The following CTNNA3 variants were observed in gnomAD, a reference collection of about 807,000 sequenced individuals.
CTNNA3 encodes catenin alpha 3.
A neutral mutation model predicts 95.7 loss-of-function variants in CTNNA3; 76 were observed. The observed-to-expected ratio is 0.79, with a 90% CI of 0.66 to 0.96. The LOEUF is 0.96. CTNNA3 is among the 40% of genes least tolerant of loss of function. The pLI, the probability that CTNNA3 is intolerant of heterozygous loss-of-function variation, is 0.00. For missense variants in CTNNA3, 1,191 were observed against 1,089.8 expected, an observed-to-expected ratio of 1.09 and a Z score of -1.31; for synonymous variants, 431 against 374.4, an observed-to-expected ratio of 1.15 and a Z score of -1.74.
At chr10:67,599,478 T>C (rs1843016280) in intron 3 of CTNNA3, among the ~76,000 whole-genome samples, 1 of 152,090 alleles carries the variant, frequency 6.6e-6, no homozygotes, top group Non-Finnish European at 1.5e-5. Flanking sequence ...CATAAATAGA[T>C]TTTAAAAGAG....
intron 11 of CTNNA3, among the ~76,000 whole-genome samples, chr10:66,444,541 T>A (rs1223591229): frequency 6.6e-6 from 1 of 151,828 alleles, no homozygotes; most frequent in Non-Finnish European, 1.5e-5. Flanking sequence ...AAGAAAAGAA[T>A]TTTCAACCCA....
chr10:66,877,897 C>T (rs1341850795), intron 7 of CTNNA3, among the ~76,000 whole-genome samples: 1 of 152,088 alleles, frequency 6.6e-6, no homozygotes, highest in Non-Finnish European at 1.5e-5. Flanking sequence ...TTATAATGTT[C>T]AAAACTTAGA....
chr10:66,884,826 GT>G (rs1382607154), intron 7 of CTNNA3, among the ~76,000 whole-genome samples: 1 of 152,122 alleles, frequency 6.6e-6, no homozygotes, highest in Non-Finnish European at 1.5e-5. Flanking sequence ...ATGCATTAGA[GT>G]TTGGGCAATC....
intron 9 of CTNNA3, among the ~76,000 whole-genome samples, chr10:66,710,337 G>A (rs1848250856): frequency 1.3e-5 from 2 of 152,082 alleles, no homozygotes; most frequent in Non-Finnish European, 2.9e-5. Flanking sequence ...TTATAATCAT[G>A]AATGAAATTT....
intron 2 of CTNNA3, among the ~76,000 whole-genome samples, chr10:67,644,361 G>T (rs757624642): frequency 6.6e-6 from 1 of 151,778 alleles, no homozygotes; most frequent in Non-Finnish European, 1.5e-5. Context: ...CCTATCCTTC[G>T]TCCGCTTTTT....
At chr10:66,257,610 T>C (rs1231980184) in intron 13 of CTNNA3, among the ~76,000 whole-genome samples, 2 of 152,188 alleles carry the variant, frequency 1.3e-5, no homozygotes, top group Non-Finnish European at 2.9e-5. Context: ...TCAATCAATA[T>C]CAGCTGCTCT....
intron 7 of CTNNA3, among the ~76,000 whole-genome samples, chr10:67,024,338 C>T (rs932883908): frequency 8.5e-5 from 13 of 152,216 alleles, no homozygotes; most frequent in Non-Finnish European, 1.6e-4. Context: ...CATGACCTTC[C>T]TGCCTCCCTC....
At chr10:66,954,271 T>C (rs1848681505) in intron 7 of CTNNA3, among the ~76,000 whole-genome samples, 1 of 152,198 alleles carries the variant, frequency 6.6e-6, no homozygotes, top group Non-Finnish European at 1.5e-5. Flanking sequence ...ATGTGAATCA[T>C]GTTGTAAACC....
intron 7 of CTNNA3, among the ~76,000 whole-genome samples, chr10:67,088,875 A>G (rs1857458185): frequency 1.3e-5 from 2 of 152,108 alleles, no homozygotes; most frequent in South Asian, 4.1e-4. Context: ...TTCTACATCC[A>G]TAAACTCAAC....
chr10:67,301,994 C>A lies in CTNNA3; in HGVS notation c.580-82124G>T, dbSNP rs2101048. Among the ~76,000 whole-genome samples, 113 of 36,724 alleles carry A rather than the reference C, an allele frequency of 3.1e-3. 14 individuals are homozygous for A. Among genetic ancestry groups the A allele is most frequent in the Middle Eastern group, 0.026 (2 of 76 alleles). 24.1% of individuals were successfully genotyped at this position (36,724 alleles called of 152,430 possible). On this transcript the variant is annotated intron_variant, in intron 5 of 17. Coordinates refer to ENST00000433211, the MANE Select transcript of CTNNA3 (RefSeq NM_013266.4). ...AAAGAAAAAAGAAAGAAAGAAAGAA[C>A]GAAAGAACGAAAGAAAGAAAGAAAG...
intron 15 of CTNNA3, among the ~76,000 whole-genome samples, chr10:66,054,665 G>A (rs998544345): frequency 3.9e-5 from 6 of 152,014 alleles, no homozygotes; most frequent in African/African-American, 1.4e-4. Context: ...TTTCCATCCC[G>A]TGGGTTGGCT....
chr10:65,985,577 T>C (rs1022824051), intron 16 of CTNNA3, among the ~76,000 whole-genome samples: 8 of 151,474 alleles, frequency 5.3e-5, no homozygotes, highest in African/African-American at 1.4e-4. Context: ...TAAATACTAC[T>C]TTTCTTTGAA....
At chr10:67,008,424 T>C (rs1852132058) in intron 7 of CTNNA3, among the ~76,000 whole-genome samples, 1 of 152,232 alleles carries the variant, frequency 6.6e-6, no homozygotes. Context: ...TTGTCTTGAT[T>C]CACCTCTTAG....
At position 66,927,151 on chromosome 10, in the gene CTNNA3, A is replaced by C. The variant is rs1847128087; in HGVS notation, c.1048-151627T>G. 1 of 1,614,096 alleles carries C rather than the reference A, an allele frequency of 6.2e-7. No individual in the cohort carries two copies. The highest frequency in any genetic ancestry group is 8.5e-7 in the Non-Finnish European group (1 of 1,180,058). On this transcript the variant is annotated intron_variant, in intron 7 of 17. Transcript: ENST00000433211. The surrounding 1 kb of genome is among the most constrained non-coding windows in gnomAD (Gnocchi z 4.7). ...TAACAGCCTTCAAAAACTTAAGTATAATCAATTTAAAGGGCTCAACCAGCT... is the reference window on the plus strand; with the variant it reads ...TAACAGCCTTCAAAAACTTAAGTATCATCAATTTAAAGGGCTCAACCAGCT...
At chr10:67,558,167 G>A (rs1841326893) in intron 3 of CTNNA3, among the ~76,000 whole-genome samples, 1 of 152,060 alleles carries the variant, frequency 6.6e-6, no homozygotes, top group East Asian at 1.9e-4. Context: ...TGCAGAACCT[G>A]AGTCATAGTC....
chr10:66,129,556 A>C (rs920328905), intron 13 of CTNNA3, among the ~76,000 whole-genome samples: 1 of 151,942 alleles, frequency 6.6e-6, no homozygotes, highest in African/African-American at 2.4e-5. Context: ...TTGAACGTGA[A>C]CTCTGCAGGG....
At chr10:66,953,462 A>AT (rs1848639814) in intron 7 of CTNNA3, among the ~76,000 whole-genome samples, 1 of 151,920 alleles carries the variant, frequency 6.6e-6, no homozygotes, top group South Asian at 2.1e-4. Context: ...ATTACATTAC[A>AT]TTTTTTTTCT....
intron 5 of CTNNA3, among the ~76,000 whole-genome samples, chr10:67,330,484 A>G (rs551532373): frequency 6.6e-6 from 1 of 152,350 alleles, no homozygotes; most frequent in East Asian, 1.9e-4. Flanking sequence ...TGACACACTG[A>G]AAGATAAGCG....
intron 10 of CTNNA3, among the ~76,000 whole-genome samples, chr10:66,618,214 A>C (rs1589504545): frequency 6.6e-6 from 1 of 151,844 alleles, no homozygotes; most frequent in Non-Finnish European, 1.5e-5. Context: ...AAACTACTTT[A>C]AAGTTCATAT....
Sources: allele counts gnomAD v4.1 joint callset (sites outside exome capture counted in the v4.1 genomes callset), GRCh38; gene constraint gnomAD v4.1.1; non-coding constraint Gnocchi (gnomAD v3.1); transcripts MANE v1.5; gene names NCBI Gene and HGNC (gene_info 2026-07-23, HGNC 2026-07-21).